The following ABR variants were observed in gnomAD, a reference collection of about 807,000 sequenced individuals.
ABR encodes the protein ABR activator of RhoGEF and GTPase, also known as active breakpoint cluster region-related protein.
Under a neutral mutation model 107.2 loss-of-function variants are expected in ABR, and 35 were observed. The ratio of observed to expected loss-of-function variants is 0.33; its 90% confidence interval spans 0.25 to 0.43. ABR has a LOEUF of 0.43. Ranked by LOEUF, ABR falls within the 20% of genes least tolerant of loss-of-function variation. The pLI is 1.00. For missense variants in ABR, 815 were observed against 1,115.2 expected, an observed-to-expected ratio of 0.73 and a Z score of 3.83; for synonymous variants, 498 against 462.0, an observed-to-expected ratio of 1.08 and a Z score of -1.00.
At chr17:1,159,626 ACG>A in intron 1 of ABR, among the ~76,000 whole-genome samples, 1 of 120,644 alleles carries the variant, frequency 8.3e-6, no homozygotes, top group Non-Finnish European at 1.8e-5. Context: ...TGCGGTACTC[ACG>A]CACAAGGGAA....
intron 6 of ABR, among the ~76,000 whole-genome samples, chr17:1,074,074 G>A (rs1042135716): frequency 6.1e-5 from 9 of 146,992 alleles, no homozygotes; most frequent in South Asian, 2.2e-4. Flanking sequence ...CCTGCCACAC[G>A]CAGGACCCCA....
At chr17:1,042,833 G>A (rs549284029) in intron 16 of ABR, among the ~76,000 whole-genome samples, 6 of 152,272 alleles carry the variant, frequency 3.9e-5, no homozygotes, top group South Asian at 4.1e-4. Context: ...ACGGACGGAC[G>A]GGCAGATAAA....
intron 1 of ABR, among the ~76,000 whole-genome samples, chr17:1,176,788 A>G (rs929723270): frequency 1.3e-5 from 2 of 152,078 alleles, no homozygotes; most frequent in Non-Finnish European, 2.9e-5. Flanking sequence ...TGGAGGTTGC[A>G]GTGAGCCAAG....
intron 4 of ABR, among the ~76,000 whole-genome samples, chr17:1,090,360 G>A (rs2260717): frequency 0.23 from 34,272 of 151,684 alleles, 4,177 homozygotes; most frequent in East Asian, 0.48. Flanking sequence ...AGGGGCCGTC[G>A]AGGTTTCAGT....
At chr17:1,076,654 A>G (rs2035734337) in intron 6 of ABR, among the ~76,000 whole-genome samples, 1 of 143,080 alleles carries the variant, frequency 7.0e-6, no homozygotes, top group Admixed American at 7.3e-5. Context: ...TCACCTCCAG[A>G]GTCCACCTGA....
chr17:1,015,469 T>G (rs976962695), intron 16 of ABR, among the ~76,000 whole-genome samples: 3 of 152,050 alleles, frequency 2.0e-5, no homozygotes, highest in Admixed American at 1.3e-4. Flanking sequence ...TTTATTTATT[T>G]TTTTGAGACA....
At position 1,167,233 on chromosome 17, in the gene ABR, C is replaced by G. The variant is rs78891488; in HGVS notation, c.61+12434G>C. On this transcript the variant is annotated intron_variant, in intron 1 of 22. Coordinates refer to ENST00000302538, the MANE Select transcript of ABR (RefSeq NM_021962.5). ...ATGGCCCTTCTGCCCTCCTAACACC[C>G]AGCTCCACCTCCTGCTTGGATCCTC... Among the ~76,000 whole-genome samples the G allele has an allele frequency of 6.4e-4, 98 of 152,098 alleles. 1 individual carries two copies. The East Asian group carries it at 0.016, about 25-fold the overall frequency.
intron 1 of ABR, among the ~76,000 whole-genome samples, chr17:1,141,188 T>G (rs2151496073): frequency 6.6e-6 from 1 of 152,184 alleles, no homozygotes; most frequent in Admixed American, 6.5e-5. Flanking sequence ...TTTAATACCA[T>G]CGGGAGCCCC....
chr17:1,156,691 A>G (rs1011750443), intron 1 of ABR, among the ~76,000 whole-genome samples: 3 of 149,776 alleles, frequency 2.0e-5, no homozygotes, highest in African/African-American at 7.3e-5. Context: ...CTCAAAAAGA[A>G]AAAAAAAAAG....
At chr17:1,043,200 C>T (rs1211220423) in intron 16 of ABR, among the ~76,000 whole-genome samples, 4 of 152,218 alleles carry the variant, frequency 2.6e-5, no homozygotes, top group African/African-American at 9.6e-5. Context: ...TGGAGTCTCA[C>T]TCTATTGCCC....
Position 1,031,389 on chromosome 17 carries a change from G to A in ABR, c.1792-18225C>T, listed in dbSNP as rs531796199. On this transcript the variant is annotated intron_variant, in intron 16 of 22. Coordinates refer to ENST00000302538, the MANE Select transcript of ABR (RefSeq NM_021962.5). ...TCTCCCGAGGCAGGGGCAGATGCCC[G>A]AGCGCCAGGGTCCGGGTGGGGGCGG... Among the ~76,000 whole-genome samples, 7 of 152,304 alleles carry A rather than the reference G, an allele frequency of 4.6e-5. No individual in the cohort carries two copies. The East Asian group carries it at 9.7e-4, about 21-fold the overall frequency.
chr17:1,101,044 G>A (rs953891502), intron 2 of ABR: 1 of 373,184 alleles, frequency 2.7e-6, no homozygotes, highest in African/African-American at 2.0e-5. Context: ...GGCTGATATA[G>A]AACTCCTGAC....
chr17:1,048,710 G>A (rs926072076), intron 16 of ABR, among the ~76,000 whole-genome samples: 1 of 147,312 alleles, frequency 6.8e-6, no homozygotes, highest in African/African-American at 2.6e-5. Flanking sequence ...CAAGAAGCTC[G>A]GCGCCCAGCT....
rs1346756513 is a variant in ABR, at chr17:1,113,274, T to TG, written c.246+11908dup. Among the ~76,000 whole-genome samples, 24 of 124,274 alleles carry TG rather than the reference T, an allele frequency of 1.9e-4. 3 individuals carry two copies. Among genetic ancestry groups the TG allele is most frequent in the South Asian group, 5.3e-4 (2 of 3,752 alleles). The allele number at this position is 124,274 out of a possible 152,430, so 81.5% of individuals were successfully genotyped here. ...GAAGGGATAACATGGAAACACCTAT[T>TG]GCGATTTTTTTTTTTTTTTTTTTTT... On this transcript the variant is annotated intron_variant, in intron 2 of 22. Transcript: ENST00000302538.
At chr17:1,088,832 G>A (rs111868151) in intron 4 of ABR, among the ~76,000 whole-genome samples, 27 of 148,812 alleles carry the variant, frequency 1.8e-4, no homozygotes, top group African/African-American at 3.7e-4. Flanking sequence ...CAGGTGATCC[G>A]CCCACCTTGG....
Position 1,217,112 on chromosome 17 carries a change from G to C in ABR, c.838+11681C>G, listed in dbSNP as rs563776615. On this transcript the variant is annotated intron_variant, in intron 1 of 22. Coordinates refer to the ABR transcript ENST00000574139. ...CAGGAGTGGGCTCTGGATTCCTCAA[G>C]ATGCTTTAAAATAAAACGGAAAGGC... is the stretch of plus-strand genomic sequence containing the variant. Among the ~76,000 whole-genome samples, 9 of 152,152 alleles carry C rather than the reference G, an allele frequency of 5.9e-5. No individual in the cohort carries two copies. The South Asian group carries it at 1.9e-3, about 32-fold the overall frequency.
intron 4 of ABR, 74 bp downstream of exon 4, chr17:1,091,591 C>T: frequency 6.5e-7 from 1 of 1,529,892 alleles, no homozygotes; most frequent in Non-Finnish European, 8.8e-7. Context: ...GCCCGGTCCT[C>T]TCCTGAGGCT....
chr17:1,137,748 G>T lies in ABR; in HGVS notation c.62-12381C>A, dbSNP rs118115668. On this transcript the variant is annotated intron_variant, in intron 1 of 22. Coordinates refer to ENST00000302538, the MANE Select transcript of ABR (RefSeq NM_021962.5). ...CTTTGAAGCTCAACTAAGCATGGAGGTGCCGTAAAGCGAGGTACGCCTGCA... is the reference window on the plus strand; with the variant it reads ...CTTTGAAGCTCAACTAAGCATGGAGTTGCCGTAAAGCGAGGTACGCCTGCA... Among the ~76,000 whole-genome samples, 889 of 152,286 alleles carry T rather than the reference G, an allele frequency of 5.8e-3. 3 individuals are homozygous for T. Among genetic ancestry groups the T allele is most frequent in the Non-Finnish European group, 8.9e-3 (603 of 68,014 alleles).
chr17:1,215,236 AAAG>A (rs1349601560), intron 1 of ABR, among the ~76,000 whole-genome samples: 7 of 151,342 alleles, frequency 4.6e-5, no homozygotes, highest in Non-Finnish European at 4.4e-5. Flanking sequence ...AAAAAAAAGA[AAAG>A]AAAGAGCTCT....
Sources: allele counts gnomAD v4.1 joint callset (sites outside exome capture counted in the v4.1 genomes callset), GRCh38; gene constraint gnomAD v4.1.1; transcripts MANE v1.5; gene names NCBI Gene and HGNC (gene_info 2026-07-23, HGNC 2026-07-21).